Variants in SEMA6D observed in about 807,000 individuals in gnomAD.
The protein encoded by SEMA6D is semaphorin 6D.
In SEMA6D, 35 loss-of-function variants were observed where a neutral mutation model predicts 106.6. The ratio of observed to expected loss-of-function variants is 0.33; its 90% CI spans 0.25 to 0.44. The LOEUF (loss-of-function observed/expected upper bound fraction) is 0.44, where lower values mean the gene tolerates loss of function less well. SEMA6D is among the 20% of genes least tolerant of loss of function. SEMA6D has a pLI of 1.00. For missense variants in SEMA6D, 1,185 were observed against 1,345.9 expected (o/e 0.88, Z 1.87); for synonymous variants, 499 against 487.7 (o/e 1.02, Z -0.31).
chr15:47,372,853 A>G (rs1042041049), intron 1 of SEMA6D, among the ~76,000 whole-genome samples: 5 of 152,188 alleles, frequency 3.3e-5, no homozygotes, highest in Admixed American at 2.0e-4. Flanking sequence ...GTCGATAATC[A>G]TAGGACTGCC....
At chr15:47,227,014 A>G (rs566125344) in intron 1 of SEMA6D, among the ~76,000 whole-genome samples, 1 of 152,050 alleles carries the variant, frequency 6.6e-6, no homozygotes, top group South Asian at 2.1e-4. Context: ...TTTTCCTCCA[A>G]GCTCCTCCTG....
At chr15:47,341,130 CT>C (rs1438202870) in intron 1 of SEMA6D, among the ~76,000 whole-genome samples, 4 of 152,134 alleles carry the variant, frequency 2.6e-5, no homozygotes, top group Non-Finnish European at 1.5e-5. Context: ...GCGTGGTGGC[CT>C]GTAATCCCAG....
chr15:47,622,815 T>C (rs1435752), intron 4 of SEMA6D, among the ~76,000 whole-genome samples: 30,892 of 152,100 alleles, frequency 0.2, 3,883 homozygotes, highest in Non-Finnish European at 0.27. Context: ...TTGGTATTGA[T>C]AAGGCCACCT....
At chr15:47,344,604 A>G (rs1203367268) in intron 1 of SEMA6D, among the ~76,000 whole-genome samples, 3 of 152,208 alleles carry the variant, frequency 2.0e-5, no homozygotes, top group Non-Finnish European at 4.4e-5. Context: ...TTCTCAGGAC[A>G]GAAGTCTTGA....
chr15:47,662,857 G>GCGCACACACA (rs1555405461), intron 4 of SEMA6D, among the ~76,000 whole-genome samples: 7 of 134,164 alleles, frequency 5.2e-5, no homozygotes, highest in African/African-American at 1.9e-4. Context: ...GTGTATGAGC[G>GCGCACACACA]CACACACACA....
At chr15:47,438,259 C>T (rs2140711778) in intron 2 of SEMA6D, among the ~76,000 whole-genome samples, 1 of 152,210 alleles carries the variant, frequency 6.6e-6, no homozygotes, top group Non-Finnish European at 1.5e-5. Flanking sequence ...CATTGCACCA[C>T]TCTGGTACAG....
chr15:47,256,920 A>T (rs2033832329), intron 1 of SEMA6D, among the ~76,000 whole-genome samples: 1 of 152,290 alleles, frequency 6.6e-6, no homozygotes, highest in African/African-American at 2.4e-5. Flanking sequence ...TGAAGTTTCT[A>T]TGTATTCCAT....
intron 1 of SEMA6D, among the ~76,000 whole-genome samples, chr15:47,357,378 A>G (rs1359299545): frequency 6.6e-6 from 1 of 152,088 alleles, no homozygotes; most frequent in Non-Finnish European, 1.5e-5. Flanking sequence ...ACTGTGCATT[A>G]TATATTGGCA....
Position 47,549,866 on chromosome 15 carries a change from T to C in SEMA6D, c.-86-50999T>C, listed in dbSNP as rs542482950. Among the ~76,000 whole-genome samples, 22 of 152,326 alleles carry C rather than the reference T, an allele frequency of 1.4e-4. No individual in the cohort carries two copies. In the South Asian group the frequency reaches 4.1e-3, roughly 29 times the overall value. ...TTTTCACTACAGCCCTAAGCAAGTA[T>C]CCTTCATTCCTTGGATTAAAGTCCC... On this transcript the variant is annotated intron_variant, in intron 3 of 19. Transcript: ENST00000558014.
At chr15:47,380,216 C>A (rs552514025) in intron 1 of SEMA6D, among the ~76,000 whole-genome samples, 1 of 152,144 alleles carries the variant, frequency 6.6e-6, no homozygotes, top group Non-Finnish European at 1.5e-5. Flanking sequence ...AACTTCAAAC[C>A]TATAAACATA....
intron 3 of SEMA6D, among the ~76,000 whole-genome samples, chr15:47,496,809 CT>C (rs1183101907): frequency 3.3e-5 from 5 of 151,948 alleles, no homozygotes; most frequent in Non-Finnish European, 7.4e-5. Flanking sequence ...ACCTTCACTC[CT>C]CTCATCTAGC....
intron 1 of SEMA6D, among the ~76,000 whole-genome samples, chr15:47,755,536 A>G (rs918906737): frequency 6.6e-6 from 1 of 152,148 alleles, no homozygotes; most frequent in Non-Finnish European, 1.5e-5. Context: ...GTGTAATCTT[A>G]TCTTTTCTGG....
At chr15:47,403,147 T>G (rs1356604709) in intron 1 of SEMA6D, among the ~76,000 whole-genome samples, 1 of 152,234 alleles carries the variant, frequency 6.6e-6, no homozygotes, top group Non-Finnish European at 1.5e-5. Flanking sequence ...GACAAGATGC[T>G]TTTAACAAAA....
intron 1 of SEMA6D, among the ~76,000 whole-genome samples, chr15:47,367,352 C>G (rs1271251360): frequency 5.3e-5 from 8 of 152,266 alleles, no homozygotes; most frequent in East Asian, 3.9e-4. Flanking sequence ...TCTGCATTTG[C>G]TAGACAGCAA....
intron 1 of SEMA6D, among the ~76,000 whole-genome samples, chr15:47,294,398 A>AT (rs1419282163): frequency 6.6e-6 from 1 of 151,930 alleles, no homozygotes; most frequent in Non-Finnish European, 1.5e-5. Context: ...TAATTTTTGT[A>AT]TTTTTAGCAG....
At chr15:47,329,478 T>C (rs1172252433) in intron 1 of SEMA6D, among the ~76,000 whole-genome samples, 1 of 152,204 alleles carries the variant, frequency 6.6e-6, no homozygotes, top group Non-Finnish European at 1.5e-5. Context: ...TCTGGCCTCA[T>C]TACCTCAAGC....
chr15:47,486,030 A>G (rs1288648809), intron 3 of SEMA6D, among the ~76,000 whole-genome samples: 1 of 152,178 alleles, frequency 6.6e-6, no homozygotes, highest in African/African-American at 2.4e-5. Context: ...TGTGGTTAGG[A>G]GAAGTATCTC....
chr15:47,505,653 C>A (rs573548020), intron 3 of SEMA6D, among the ~76,000 whole-genome samples: 80 of 152,160 alleles, frequency 5.3e-4, no homozygotes, highest in African/African-American at 1.4e-3. Context: ...GACTCTAAAA[C>A]GGTTCAGCAA....
intron 1 of SEMA6D, among the ~76,000 whole-genome samples, chr15:47,398,521 AT>A (rs556677198): frequency 1.3e-5 from 2 of 151,898 alleles, no homozygotes; most frequent in African/African-American, 2.4e-5. Context: ...TTTTGTGGGC[AT>A]TTTTTTTAAC....
Sources: allele counts gnomAD v4.1 joint callset (sites outside exome capture counted in the v4.1 genomes callset), GRCh38; gene constraint gnomAD v4.1.1; transcripts MANE v1.5; gene names NCBI Gene and HGNC (gene_info 2026-07-23, HGNC 2026-07-21).